VWA8: variants seen among roughly 807,000 people sequenced by gnomAD.
VWA8 encodes the protein von Willebrand factor A domain containing 8.
A neutral mutation model predicts 241.5 loss-of-function variants in VWA8; 221 were observed. The ratio of observed to expected loss-of-function variants is 0.91; its 90% confidence interval spans 0.82 to 1.02. The LOEUF (loss-of-function observed/expected upper bound fraction) is 1.02. VWA8 is among the 50% of genes least tolerant of loss of function. The probability of loss-of-function intolerance (pLI) is 0.00; values close to 1 mark genes in which losing one functional copy is unlikely to be tolerated. For missense variants in VWA8, 2,322 were observed against 2,328.7 expected (o/e 1.00, Z 0.06); for synonymous variants, 852 against 827.1 (o/e 1.03, Z -0.52).
chr13:41,746,894 C>T (rs1318563188), intron 21 of VWA8, among the ~76,000 whole-genome samples: 2 of 151,588 alleles, frequency 1.3e-5, no homozygotes, highest in African/African-American at 4.9e-5. Context: ...ACCCATAGTC[C>T]TATCATATGG....
At chr13:41,745,422 C>A (rs1566438960) in intron 21 of VWA8, among the ~76,000 whole-genome samples, 1 of 151,932 alleles carries the variant, frequency 6.6e-6, no homozygotes, top group Admixed American at 6.6e-5. Flanking sequence ...ACATTGCTCA[C>A]GTACAGAATG....
At chr13:41,938,592 A>T (rs375592535) in intron 2 of VWA8, among the ~76,000 whole-genome samples, 10 of 152,076 alleles carry the variant, frequency 6.6e-5, no homozygotes, top group African/African-American at 2.4e-4. Flanking sequence ...CAGAGGTTGC[A>T]GTGAGCCAAG....
chr13:41,801,156 A>ATTTT (rs142053817), intron 17 of VWA8, among the ~76,000 whole-genome samples: 6,515 of 151,632 alleles, frequency 0.043, 162 homozygotes, highest in East Asian at 0.11. Flanking sequence ...ATTTTTATTT[A>ATTTT]TTTTTTTAAT....
chr13:41,701,356 G>A, intron 28 of VWA8, 36 bp downstream of exon 28: 3 of 1,500,876 alleles, frequency 2.0e-6, no homozygotes, highest in South Asian at 2.8e-5. Flanking sequence ...AAAAACATGT[G>A]CAGGAAGGAA....
rs543530496 is a variant in VWA8 at position 41,928,365 on chromosome 13, A to G, written c.242-16197T>C. ...CATGTTAGGCCAGAAAACAAGCCTT[A>G]ACAAATTTAGAAAACCAAAATCATA... On this transcript the variant is annotated intron_variant, in intron 2 of 44. Transcript: ENST00000379310. Among the ~76,000 whole-genome samples the G allele has an allele frequency of 7.2e-4, 109 of 152,330 alleles. 1 individual carries two copies. The highest frequency in any genetic ancestry group is 2.6e-3 in the African/African-American group (107 of 41,576).
chr13:41,754,974 T>C (rs9594627), intron 21 of VWA8, among the ~76,000 whole-genome samples: 39,072 of 151,978 alleles, frequency 0.26, 5,875 homozygotes, highest in Non-Finnish European at 0.33. Context: ...CTCTATTGTG[T>C]ATATATATCA....
intron 37 of VWA8, among the ~76,000 whole-genome samples, chr13:41,659,144 TAAC>T (rs1031990156): frequency 1.3e-5 from 2 of 152,214 alleles, no homozygotes; most frequent in Admixed American, 1.3e-4. Flanking sequence ...AGCTGATCAG[TAAC>T]AACATCACCC....
At chr13:41,592,126 C>A (rs1262278831) in intron 40 of VWA8, among the ~76,000 whole-genome samples, 3 of 149,406 alleles carry the variant, frequency 2.0e-5, no homozygotes, top group African/African-American at 5.0e-5. Flanking sequence ...CCATGGAATA[C>A]TATGCAGCCA....
At chr13:41,717,617 C>G (rs1204967098) in intron 26 of VWA8, among the ~76,000 whole-genome samples, 2 of 151,540 alleles carry the variant, frequency 1.3e-5, no homozygotes, top group African/African-American at 4.9e-5. Flanking sequence ...TCATCCTACT[C>G]TCTCTAAGTA....
chr13:41,803,708 G>T (rs1870063011), intron 17 of VWA8, among the ~76,000 whole-genome samples: 1 of 152,168 alleles, frequency 6.6e-6, no homozygotes, highest in African/African-American at 2.4e-5. Context: ...TTTGGGTGGG[G>T]ACACAGCCAA....
rs571018336 is a variant in VWA8, at chr13:41,921,124, G to C, written c.242-8956C>G. 4.6e-5 allele frequency among the ~76,000 whole-genome samples: 7 copies of C among 152,286 alleles called. No homozygotes were observed. In the East Asian group the frequency reaches 9.6e-4, roughly 21 times the overall value. ...GGTTTCATCCCTGGGATGCAAGGCT[G>C]GTTCAACATATGCAAATCAATAAAC... is the stretch of plus-strand genomic sequence containing the variant. On this transcript the variant is annotated intron_variant, in intron 2 of 44. Transcript: ENST00000379310.
At chr13:41,859,312 A>C (rs1232572942) in intron 12 of VWA8, among the ~76,000 whole-genome samples, 1 of 152,190 alleles carries the variant, frequency 6.6e-6, no homozygotes, top group Non-Finnish European at 1.5e-5. Context: ...ATAAACAAGA[A>C]GTGAGGACTG....
At chr13:41,846,212 A>G (rs1002116447) in intron 12 of VWA8, among the ~76,000 whole-genome samples, 16 of 152,180 alleles carry the variant, frequency 1.1e-4, no homozygotes, top group Admixed American at 2.6e-4. Context: ...ATAATAAATT[A>G]GTTTCTAAAA....
At chr13:41,771,271 T>C (rs1355040434) in intron 20 of VWA8, among the ~76,000 whole-genome samples, 1 of 152,118 alleles carries the variant, frequency 6.6e-6, no homozygotes, top group Non-Finnish European at 1.5e-5. Context: ...TACAGACAAG[T>C]ACCACCACAT....
chr13:41,849,371 A>C (rs1349442472), intron 12 of VWA8, among the ~76,000 whole-genome samples: 2 of 152,180 alleles, frequency 1.3e-5, no homozygotes, highest in African/African-American at 2.4e-5. Context: ...AATCAAATCA[A>C]AGTTATACCC....
chr13:41,674,361 T>G (rs1304930534), intron 36 of VWA8, among the ~76,000 whole-genome samples: 3 of 152,152 alleles, frequency 2.0e-5, no homozygotes, highest in Non-Finnish European at 4.4e-5. Flanking sequence ...CTGCTAGAGC[T>G]TCTAGCCAAG....
chr13:41,794,084 G>C (rs1241261246), intron 17 of VWA8, among the ~76,000 whole-genome samples: 2 of 151,516 alleles, frequency 1.3e-5, no homozygotes, highest in Non-Finnish European at 2.9e-5. Context: ...GTTGTCTCCA[G>C]CTTTTTTTTT....
intron 24 of VWA8, among the ~76,000 whole-genome samples, chr13:41,724,749 A>G (rs938295626): frequency 2.6e-5 from 4 of 152,236 alleles, no homozygotes; most frequent in Admixed American, 2.6e-4. Flanking sequence ...GGAAAATGAA[A>G]GAGAATTTCC....
chr13:41,800,579 G>A (rs1215265851), intron 17 of VWA8, among the ~76,000 whole-genome samples: 1 of 151,864 alleles, frequency 6.6e-6, no homozygotes, highest in African/African-American at 2.4e-5. Flanking sequence ...ATGAAGTCAG[G>A]AGATTGAAAC....
Sources: allele counts gnomAD v4.1 joint callset (sites outside exome capture counted in the v4.1 genomes callset), GRCh38; gene constraint gnomAD v4.1.1; transcripts MANE v1.5; gene names NCBI Gene and HGNC (gene_info 2026-07-23, HGNC 2026-07-21).